Variants in SPMAP2L observed in about 807,000 individuals in gnomAD.
The protein encoded by SPMAP2L is sperm microtubule associated protein 2 like.
the SPMAP2L span, among the ~76,000 whole-genome samples, chr4:56,570,692 A>G: frequency 6.6e-6 from 1 of 152,166 alleles, no homozygotes; most frequent in Admixed American, 6.5e-5. Context: ...ATGCTACGGT[A>G]GACTTTATAA....
the SPMAP2L span, among the ~76,000 whole-genome samples, chr4:56,567,532 C>T: frequency 1.0e-3 from 155 of 149,430 alleles, no homozygotes; most frequent in Admixed American, 1.8e-3. Flanking sequence ...TCAAGTGATC[C>T]GCCGCCTCGG....
At chr4:56,585,808 C>T in the SPMAP2L span, among the ~76,000 whole-genome samples, 2,214 of 152,276 alleles carry the variant, frequency 0.015, 56 homozygotes, top group African/African-American at 0.051. Context: ...TGCCACTGCA[C>T]GCCATGGACT....
chr4:56,560,290 A>T, the SPMAP2L span, among the ~76,000 whole-genome samples: 2 of 152,002 alleles, frequency 1.3e-5, no homozygotes, highest in Non-Finnish European at 2.9e-5. Context: ...AGTTCCCCTC[A>T]CCTTGGCTTC....
chr4:56,531,337 G>C, the SPMAP2L span, among the ~76,000 whole-genome samples: 1 of 152,204 alleles, frequency 6.6e-6, no homozygotes, highest in African/African-American at 2.4e-5. Flanking sequence ...TTGCTTCGCA[G>C]TCATCAGCCC....
At chr4:56,543,949 AGTGTGTGT>A in the SPMAP2L span, among the ~76,000 whole-genome samples, 1 of 115,802 alleles carries the variant, frequency 8.6e-6, no homozygotes, top group Admixed American at 9.3e-5. Flanking sequence ...AGAGAGAGAG[AGTGTGTGT>A]GTGTGTGTGT....
the SPMAP2L span, among the ~76,000 whole-genome samples, chr4:56,576,672 G>A: frequency 6.6e-6 from 1 of 152,162 alleles, no homozygotes; most frequent in Non-Finnish European, 1.5e-5. Context: ...TGCGAAAGAA[G>A]GCCCAATTCT....
chr4:56,547,273 TTCTC>T, the SPMAP2L span, among the ~76,000 whole-genome samples: 1 of 150,892 alleles, frequency 6.6e-6, no homozygotes, highest in African/African-American at 2.4e-5. Flanking sequence ...ATGGAGTTGT[TTCTC>T]TCTTGTTGCC....
the SPMAP2L span, among the ~76,000 whole-genome samples, chr4:56,572,207 A>T: frequency 6.6e-6 from 1 of 152,354 alleles, no homozygotes; most frequent in East Asian, 1.9e-4. Context: ...AAAAAGTATT[A>T]TGTACTGTAC....
At chr4:56,616,363 A>G in the SPMAP2L span, among the ~76,000 whole-genome samples, 4 of 152,214 alleles carry the variant, frequency 2.6e-5, no homozygotes, top group South Asian at 4.1e-4. Flanking sequence ...TAAAAGCCCT[A>G]TCTCCAAATG....
At chr4:56,580,649 A>T in the SPMAP2L span, among the ~76,000 whole-genome samples, 1 of 151,056 alleles carries the variant, frequency 6.6e-6, no homozygotes, top group African/African-American at 2.5e-5. Flanking sequence ...AAAATAAAAA[A>T]TAAAAAAAAA....
chr4:56,530,790 G>T, the SPMAP2L span: 3 of 1,535,292 alleles, frequency 2.0e-6, no homozygotes, highest in Admixed American at 5.9e-5. Context: ...TTGTGCTCAG[G>T]ATTCTCGACA....
At chr4:56,556,495 G>A in the SPMAP2L span, among the ~76,000 whole-genome samples, 350 of 152,308 alleles carry the variant, frequency 2.3e-3, 1 homozygote, top group African/African-American at 8.0e-3. Context: ...GTAAGTATCT[G>A]GAAATATGGA....
the SPMAP2L span, among the ~76,000 whole-genome samples, chr4:56,591,218 G>T: frequency 2.6e-5 from 4 of 152,110 alleles, no homozygotes; most frequent in African/African-American, 9.7e-5. Flanking sequence ...TTAAAAGTGT[G>T]TAGCACCTTC....
At chr4:56,605,327 G>A in the SPMAP2L span, among the ~76,000 whole-genome samples, 1 of 152,108 alleles carries the variant, frequency 6.6e-6, no homozygotes, top group Non-Finnish European at 1.5e-5. Flanking sequence ...AACAGATATG[G>A]GTTCTGCTCT....
At chr4:56,534,332 A>G in the SPMAP2L span, among the ~76,000 whole-genome samples, 1 of 152,158 alleles carries the variant, frequency 6.6e-6, no homozygotes, top group Non-Finnish European at 1.5e-5. Flanking sequence ...AGTCTTCTTT[A>G]CTTGACTTCT....
At chr4:56,600,811 GT>G in the SPMAP2L span, 1 of 984,230 alleles carries the variant, frequency 1.0e-6, no homozygotes, top group Non-Finnish European at 1.5e-6. Context: ...AGAGAGACCA[GT>G]TACGAGTCTG....
At chr4:56,555,158 C>T in the SPMAP2L span, among the ~76,000 whole-genome samples, 4 of 151,968 alleles carry the variant, frequency 2.6e-5, no homozygotes, top group Non-Finnish European at 5.9e-5. Context: ...AGGCTGGTCT[C>T]GAACTCCTGA....
chr4:56,600,097 C>CTTTTTTTTT, the SPMAP2L span, among the ~76,000 whole-genome samples: 309 of 87,804 alleles, frequency 3.5e-3, no homozygotes, highest in Non-Finnish European at 4.6e-3. Flanking sequence ...TCTTTGCTTT[C>CTTTTTTTTT]TTTTTTTTTT....
At chr4:56,574,975 G>T in the SPMAP2L span, among the ~76,000 whole-genome samples, 1 of 152,126 alleles carries the variant, frequency 6.6e-6, no homozygotes, top group African/African-American at 2.4e-5. Flanking sequence ...TGTCTGCTGG[G>T]CGCGGTGGCT....
Sources: allele counts gnomAD v4.1 joint callset (sites outside exome capture counted in the v4.1 genomes callset), GRCh38; gene constraint gnomAD v4.1.1; transcripts MANE v1.5; gene names NCBI Gene and HGNC (gene_info 2026-07-23, HGNC 2026-07-21).